CYTH1: variants seen among roughly 807,000 people sequenced by gnomAD.
The protein encoded by CYTH1 is cytohesin-1.
In CYTH1, 18 loss-of-function variants were observed where a neutral mutation model predicts 61.8. That is an observed-to-expected ratio of 0.29 (90% confidence interval 0.20 to 0.43). The LOEUF (loss-of-function observed/expected upper bound fraction) is 0.43, where lower values mean the gene tolerates loss of function less well. Ranked by LOEUF, CYTH1 falls within the 20% of genes least tolerant of loss-of-function variation. The pLI is 1.00. For synonymous variants in CYTH1, 174 were observed against 184.3 expected, an observed-to-expected ratio of 0.94 and a Z score of 0.45; for missense variants, 336 against 510.5, an observed-to-expected ratio of 0.66 and a Z score of 3.29.
intron 1 of CYTH1, among the ~76,000 whole-genome samples, chr17:78,716,025 G>A (rs556044797): frequency 7.9e-5 from 12 of 152,154 alleles, no homozygotes; most frequent in African/African-American, 2.4e-4. Context: ...AGAAACCCAC[G>A]CTGTAAATAT....
chr17:78,765,028 G>A (rs912008377), intron 1 of CYTH1, among the ~76,000 whole-genome samples: 1 of 152,108 alleles, frequency 6.6e-6, no homozygotes, highest in African/African-American at 2.4e-5. Context: ...GAGAGTGCGG[G>A]AACTGAGCAT....
At chr17:78,702,471 G>T in intron 4 of CYTH1, 67 bp downstream of exon 4, 2 of 1,530,654 alleles carry the variant, frequency 1.3e-6, no homozygotes, top group Non-Finnish European at 1.8e-6. Flanking sequence ...ACGTTTTTAG[G>T]GTCTATCTGA....
At chr17:78,677,048 A>G in intron 13 of CYTH1, 1 of 456,040 alleles carries the variant, frequency 2.2e-6, no homozygotes, top group Non-Finnish European at 4.4e-6. Flanking sequence ...GCTGACCTGG[A>G]ACCTATTCAC....
Position 78,734,574 on chromosome 17 carries a change from G to C in CYTH1, c.23-24842C>G, listed in dbSNP as rs2093311796. Among the ~76,000 whole-genome samples the C allele has an allele frequency of 2.0e-5, 3 of 150,402 alleles. No homozygotes were observed. The Admixed American group carries it at 2.0e-4, about 10-fold the overall frequency. The stretch of plus-strand genomic sequence containing the variant: ...TCCTGCCTCAGCCTCCAAGTAGCTG[G>C]GATTACGGGCTCCTGCCACCACACC... On this transcript the variant is annotated intron_variant, in intron 1 of 13. Coordinates refer to ENST00000446868, the MANE Select transcript of CYTH1 (RefSeq NM_004762.6).
At chr17:78,764,128 T>C (rs2093439313) in intron 1 of CYTH1, among the ~76,000 whole-genome samples, 1 of 151,418 alleles carries the variant, frequency 6.6e-6, no homozygotes, top group African/African-American at 2.4e-5. Flanking sequence ...AAACAAAACA[T>C]AGAATAATCA....
chr17:78,760,507 GTA>G (rs538557662), intron 1 of CYTH1, among the ~76,000 whole-genome samples: 1,214 of 28,502 alleles, frequency 0.043, 160 homozygotes, highest in African/African-American at 0.16. Flanking sequence ...ACATATATAT[GTA>G]TATATATGTA....
At chr17:78,766,087 GAAAAA>G (rs59673666) in intron 1 of CYTH1, among the ~76,000 whole-genome samples, 4 of 65,682 alleles carry the variant, frequency 6.1e-5, no homozygotes, top group African/African-American at 2.6e-4. Flanking sequence ...CATCTCTACA[GAAAAA>G]AAAAAAAAAA....
chr17:78,762,894 G>A (rs901585995), intron 1 of CYTH1, among the ~76,000 whole-genome samples: 1 of 152,184 alleles, frequency 6.6e-6, no homozygotes, highest in Non-Finnish European at 1.5e-5. Flanking sequence ...TTTTGGCCCA[G>A]TGAGACCCAT....
intron 1 of CYTH1, among the ~76,000 whole-genome samples, chr17:78,731,037 C>G (rs1394085038): frequency 6.6e-6 from 1 of 152,132 alleles, no homozygotes; most frequent in African/African-American, 2.4e-5. Flanking sequence ...TACAGGAAAG[C>G]AGAATTTGAC....
chr17:78,780,500 A>G (rs1274985392), intron 1 of CYTH1, among the ~76,000 whole-genome samples: 1 of 152,170 alleles, frequency 6.6e-6, no homozygotes, highest in African/African-American at 2.4e-5. Flanking sequence ...TGCGCAAGAG[A>G]GCTAGACCCT....
chr17:78,770,364 AAAAAC>A (rs1159662534), intron 1 of CYTH1, among the ~76,000 whole-genome samples: 4 of 151,704 alleles, frequency 2.6e-5, no homozygotes, highest in African/African-American at 9.7e-5. Flanking sequence ...AGAAAAAAAA[AAAAAC>A]AAAGAAATCT....
Position 78,745,660 on chromosome 17 carries a change from G to C in CYTH1, c.23-35928C>G, listed in dbSNP as rs565972657. 1.2e-4 allele frequency among the ~76,000 whole-genome samples: 19 copies of C among 152,276 alleles called. No individual in the cohort carries two copies. The Middle Eastern group carries it at 0.017, about 136-fold the overall frequency. ...TGTAATCCCGGCGCTTTGGGAGGCC[G>C]AGGCGGGTGGATCACAAGGTCAAGA... On this transcript the variant is annotated intron_variant, in intron 1 of 13. Transcript: ENST00000446868.
At chr17:78,716,150 G>A (rs1042827626) in intron 1 of CYTH1, among the ~76,000 whole-genome samples, 4 of 152,168 alleles carry the variant, frequency 2.6e-5, no homozygotes, top group African/African-American at 7.2e-5. Context: ...TAGGCAGAAG[G>A]CAGGAGATAA....
chr17:78,703,628 T>C (rs1249420072), intron 3 of CYTH1, among the ~76,000 whole-genome samples: 1 of 152,190 alleles, frequency 6.6e-6, no homozygotes, highest in Admixed American at 6.5e-5. Context: ...TATTAATCTA[T>C]TGTCTGTCTC....
intron 1 of CYTH1, among the ~76,000 whole-genome samples, chr17:78,769,643 C>T (rs1007277573): frequency 4.6e-5 from 7 of 152,162 alleles, no homozygotes; most frequent in Non-Finnish European, 8.8e-5. Flanking sequence ...CTCAAAGCAT[C>T]GGTGACAACA....
At chr17:78,682,996 T>A (rs1318123787) in intron 11 of CYTH1, among the ~76,000 whole-genome samples, 4 of 152,228 alleles carry the variant, frequency 2.6e-5, no homozygotes, top group African/African-American at 9.6e-5. Context: ...CTGGACTAGT[T>A]CTTCTTTGGA....
chr17:78,695,756 T>G (rs911197589), intron 10 of CYTH1, among the ~76,000 whole-genome samples: 1 of 152,232 alleles, frequency 6.6e-6, no homozygotes, highest in African/African-American at 2.4e-5. Context: ...AAACCCACTC[T>G]TAGTATGTTT....
intron 3 of CYTH1, among the ~76,000 whole-genome samples, chr17:78,707,663 T>C (rs139712285): frequency 2.1e-3 from 323 of 152,162 alleles, no homozygotes; most frequent in Middle Eastern, 0.02. Context: ...TTCTGGGACC[T>C]TTGAAGTTCT....
intron 1 of CYTH1, among the ~76,000 whole-genome samples, chr17:78,727,052 T>C (rs1290711132): frequency 1.3e-5 from 2 of 152,208 alleles, no homozygotes; most frequent in Non-Finnish European, 2.9e-5. Context: ...GCAAGGGCAA[T>C]GTGCATCAAT....
Sources: gnomAD v4.1 joint callset for allele counts (sites outside exome capture counted in the v4.1 genomes callset) on GRCh38, gnomAD v4.1.1 for gene constraint, MANE v1.5 for transcripts, NCBI Gene and HGNC (gene_info 2026-07-23, HGNC 2026-07-21) for gene names.